Variants in IGF2BP2 observed in about 807,000 individuals in gnomAD.
The protein encoded by IGF2BP2 is insulin-like growth factor 2 mRNA-binding protein 2.
A neutral mutation model predicts 75.8 loss-of-function variants in IGF2BP2; 17 were observed. That is an observed-to-expected ratio of 0.22 (90% CI 0.15 to 0.34). The LOEUF (loss-of-function observed/expected upper bound fraction) is 0.34. IGF2BP2 is among the 10% of genes least tolerant of loss of function. The probability of loss-of-function intolerance (pLI) is 1.00; values close to 1 mark genes in which losing one functional copy is unlikely to be tolerated. For missense variants in IGF2BP2, 516 were observed against 772.4 expected (o/e 0.67, Z 3.93); for synonymous variants, 288 against 295.6 (o/e 0.97, Z 0.26).
intron 2 of IGF2BP2, among the ~76,000 whole-genome samples, chr3:185,771,040 G>T (rs913077407): frequency 6.6e-6 from 1 of 152,154 alleles, no homozygotes; most frequent in African/African-American, 2.4e-5. Flanking sequence ...CATGAGCCAT[G>T]GCACCCAGCA....
intron 12 of IGF2BP2, among the ~76,000 whole-genome samples, chr3:185,655,523 G>C (rs572806620): frequency 1.3e-5 from 2 of 152,222 alleles, no homozygotes; most frequent in Non-Finnish European, 2.9e-5. Flanking sequence ...GAAGTAGAAG[G>C]TTGCTGGAAA....
intron 10 of IGF2BP2, among the ~76,000 whole-genome samples, chr3:185,665,585 GGAA>G (rs771135992): frequency 9.0e-6 from 1 of 111,280 alleles, no homozygotes; most frequent in Non-Finnish European, 1.9e-5. Context: ...AAGGAGAAAA[GGAA>G]GAAGAAGAAA....
intron 2 of IGF2BP2, among the ~76,000 whole-genome samples, chr3:185,739,096 T>C (rs770128124): frequency 3.9e-5 from 6 of 152,236 alleles, no homozygotes; most frequent in Non-Finnish European, 7.3e-5. Flanking sequence ...TTTTCACATA[T>C]CTTTGGTGGC....
chr3:185,687,019 T>C (rs762588481), intron 7 of IGF2BP2, 38 bp downstream of exon 7: 3 of 1,596,472 alleles, frequency 1.9e-6, no homozygotes, highest in Non-Finnish European at 1.7e-6. Context: ...CTACTCTTTT[T>C]CTCTGTTGAG....
chr3:185,692,755 T>C lies in IGF2BP2; in HGVS notation c.348A>G (p.Thr116=). The change falls in exon 5 of 16, where the codon ACA becomes ACG. Residue 116 remains threonine, a synonymous_variant. Transcript: ENST00000382199. ...CGTTGACAACGGCGGTTTCTGTGTC[T>C]GTGTTGACTAGGGAAAAGGCAAAAA... is the stretch of plus-strand genomic sequence containing the variant. The part of the protein sequence containing the change: ...GTVENVEQVN[T]DTETAVVNVT... The C allele has an allele frequency of 3.1e-6, 5 of 1,614,040 alleles. No individual in the cohort carries two copies. The highest frequency in any genetic ancestry group is 1.1e-5 in the South Asian group (1 of 91,040).
In IGF2BP2 at chr3:185,677,703, G is replaced by C. The variant is rs370656884; in HGVS notation, c.813-1790C>G. On this transcript the variant is annotated intron_variant, in intron 7 of 15. Transcript: ENST00000382199. ...AATGAACTAAACAAGAACACAGACA[G>C]ACAACTAAATAAAGTCAGAAAAATT... Among the ~76,000 whole-genome samples, 24 of 152,180 alleles carry C rather than the reference G, an allele frequency of 1.6e-4. No homozygotes were observed. In the South Asian group the frequency reaches 5.0e-3, roughly 32 times the overall value.
chr3:185,666,628 CAATAAATA>C (rs530756178), intron 10 of IGF2BP2, among the ~76,000 whole-genome samples: 17 of 150,828 alleles, frequency 1.1e-4, no homozygotes, highest in African/African-American at 3.7e-4. Context: ...GACTCCAACT[CAATAAATA>C]AATAAATAAA....
intron 3 of IGF2BP2, 58 bp downstream of exon 3, chr3:185,698,241 T>G: frequency 6.8e-7 from 1 of 1,463,832 alleles, no homozygotes. Context: ...AAATGTAAAA[T>G]GGAACTAAAG....
At chr3:185,766,109 C>T (rs549581163) in intron 2 of IGF2BP2, among the ~76,000 whole-genome samples, 31 of 152,214 alleles carry the variant, frequency 2.0e-4, no homozygotes, top group Non-Finnish European at 3.4e-4. Flanking sequence ...TCATCCTTCT[C>T]GGGATGCTTT....
At chr3:185,759,798 T>C (rs1396840977) in intron 2 of IGF2BP2, among the ~76,000 whole-genome samples, 1 of 152,262 alleles carries the variant, frequency 6.6e-6, no homozygotes, top group Non-Finnish European at 1.5e-5. Context: ...ACTCTGGCTA[T>C]GTTGCTAGAT....
chr3:185,787,985 C>T (rs1736123140), intron 2 of IGF2BP2, among the ~76,000 whole-genome samples: 1 of 152,108 alleles, frequency 6.6e-6, no homozygotes, highest in South Asian at 2.1e-4. Context: ...AGAAATTAGG[C>T]ATTCTAGTTA....
intron 2 of IGF2BP2, among the ~76,000 whole-genome samples, chr3:185,798,921 C>A (rs957368479): frequency 3.3e-5 from 5 of 151,740 alleles, no homozygotes; most frequent in African/African-American, 9.7e-5. Context: ...AGACTACAGG[C>A]ACACACCACC....
intron 2 of IGF2BP2, 136 bp from the exon 3 acceptor site, chr3:185,698,483 C>A: frequency 4.0e-6 from 3 of 743,450 alleles, no homozygotes; most frequent in Non-Finnish European, 6.8e-6. Flanking sequence ...AAAATTCCTA[C>A]TGTGAATCAT....
chr3:185,794,636 A>ATT (rs1737101071), intron 2 of IGF2BP2, among the ~76,000 whole-genome samples: 1 of 118,748 alleles, frequency 8.4e-6, no homozygotes, highest in South Asian at 2.8e-4. Flanking sequence ...TGGAGGTCAC[A>ATT]TCTTTTTTTT....
intron 2 of IGF2BP2, among the ~76,000 whole-genome samples, chr3:185,703,022 G>A (rs1388796129): frequency 6.6e-6 from 1 of 152,144 alleles, no homozygotes; most frequent in Non-Finnish European, 1.5e-5. Flanking sequence ...AGTAAACTAA[G>A]TGTGTGGGAA....
At position 185,691,212 on chromosome 3, in the gene IGF2BP2, C is replaced by T. The variant is rs143670640; in HGVS notation, c.404+1487G>A. Among the ~76,000 whole-genome samples, 491 of 152,260 alleles carry T rather than the reference C, an allele frequency of 3.2e-3. 11 individuals carry two copies. In the East Asian group the frequency reaches 0.063, roughly 20 times the overall value. ...CTCCCAAGTTCAAGTGATTCTCTTG[C>T]CTCAGCCTCCCGAGTAGCTGGGATT... On this transcript the variant is annotated intron_variant, in intron 5 of 15. Coordinates refer to ENST00000382199, the MANE Select transcript of IGF2BP2 (RefSeq NM_006548.6).
intron 2 of IGF2BP2, among the ~76,000 whole-genome samples, chr3:185,740,491 A>G (rs1228885297): frequency 6.6e-6 from 1 of 152,218 alleles, no homozygotes; most frequent in African/African-American, 2.4e-5. Flanking sequence ...AGAGTATCAG[A>G]TTTACTCACC....
chr3:185,653,658 G>T (rs1027162869), intron 12 of IGF2BP2, among the ~76,000 whole-genome samples: 2 of 151,916 alleles, frequency 1.3e-5, no homozygotes, highest in African/African-American at 4.8e-5. Context: ...ATTTAGGATT[G>T]TAAGGATGAG....
intron 7 of IGF2BP2, among the ~76,000 whole-genome samples, chr3:185,680,638 T>C (rs538085343): frequency 1.3e-3 from 200 of 152,304 alleles, no homozygotes; most frequent in Non-Finnish European, 1.9e-3. Context: ...AATGGAAGGT[T>C]TGTTCAGCAT....
Sources: gnomAD v4.1 joint callset for allele counts (sites outside exome capture counted in the v4.1 genomes callset) on GRCh38, gnomAD v4.1.1 for gene constraint, MANE v1.5 for transcripts, NCBI Gene and HGNC (gene_info 2026-07-23, HGNC 2026-07-21) for gene names.